Variants in DUSP22 observed in about 807,000 individuals in gnomAD.
DUSP22 encodes dual specificity phosphatase 22.
DUSP22 carries 24 observed loss-of-function variants against 24.5 expected under a neutral mutation model. The observed-to-expected ratio is 0.98, with a 90% confidence interval of 0.71 to 1.38. The LOEUF (loss-of-function observed/expected upper bound fraction) is 1.38, where lower values mean the gene tolerates loss of function less well. Ranked by LOEUF, DUSP22 falls within the 40% of genes most tolerant of loss-of-function variation. The pLI is 0.00. For synonymous variants in DUSP22, 160 were observed against 106.4 expected (o/e 1.50, Z -3.10); for missense variants, 330 against 269.2 (o/e 1.23, Z -1.58).
chr6:298,238 C>T (rs1202753663), intron 1 of DUSP22, among the ~76,000 whole-genome samples: 1 of 152,218 alleles, frequency 6.6e-6, no homozygotes, highest in Non-Finnish European at 1.5e-5. Context: ...TTTTTATATG[C>T]AAACTGGTTA....
chr6:297,585 A>G (rs1437110863), intron 1 of DUSP22, among the ~76,000 whole-genome samples: 2 of 152,310 alleles, frequency 1.3e-5, no homozygotes, highest in Admixed American at 6.5e-5. Context: ...TTCACCCAAT[A>G]GTTGCCAGTA....
At position 311,239 on chromosome 6, in the gene DUSP22, G is replaced by A. The variant is rs887718735; in HGVS notation, c.56-641G>A. On this transcript the variant is annotated intron_variant, in intron 2 of 6. Transcript: ENST00000419235. ...GGACCACATAGCAGATGGCTTCAAG[G>A]TAACCATTTAGCTCAAGGGGGAGGG... 3.9e-5 allele frequency among the ~76,000 whole-genome samples: 6 copies of A among 152,426 alleles called. No homozygotes were observed. The East Asian group carries it at 9.6e-4, about 24-fold the overall frequency.
intron 5 of DUSP22, among the ~76,000 whole-genome samples, chr6:346,429 GAC>G (rs10642379): frequency 0.01 from 1,548 of 151,280 alleles, no homozygotes; most frequent in Middle Eastern, 0.055. Context: ...ATTTTGTGTA[GAC>G]ACACACACAC....
Position 335,199 on chromosome 6 carries a change from T to TA in DUSP22, c.188+43dup, listed in dbSNP as rs750200882. 3.7e-6 allele frequency: 6 copies of TA among 1,604,812 alleles called. No individual in the cohort carries two copies. In the East Asian group the frequency reaches 8.9e-5, roughly 24 times the overall value. The stretch of plus-strand genomic sequence containing the variant: ...TATTTCTGTATTATTTGGAGACATT[T>TA]AAAAAAATGAATAGAGGATGGTAAA... On this transcript the variant is annotated intron_variant, in intron 4 of 6. Coordinates refer to ENST00000419235, the MANE Select transcript of DUSP22 (RefSeq NM_001286555.3).
intron 2 of DUSP22, among the ~76,000 whole-genome samples, chr6:310,157 C>T (rs965817750): frequency 1.3e-4 from 20 of 152,304 alleles, no homozygotes; most frequent in African/African-American, 2.2e-4. Context: ...GATGTGGTTT[C>T]GCCGTGGTGA....
At chr6:336,808 A>G (rs1273010984) in intron 4 of DUSP22, among the ~76,000 whole-genome samples, 6 of 152,308 alleles carry the variant, frequency 3.9e-5, no homozygotes, top group African/African-American at 1.4e-4. Context: ...TTCCTTGGTT[A>G]CTAGTCGTGT....
At position 348,925 on chromosome 6, in the gene DUSP22, T is replaced by G. The variant is rs758394947; in HGVS notation, c.592T>G (p.Tyr198Asp). The change falls in exon 7 of 7, where the codon TAC becomes GAC. Residue 198 changes from tyrosine to aspartate, a missense_variant. Physicochemically the swap from Tyr to Asp is radical, Grantham distance 160. Transcript: ENST00000419235. ...SSFPALAPLT[Y>D]DNYTTET The stretch of plus-strand genomic sequence containing the variant: ...TTTTCCGGCACTGGCTCCGCTGACC[T>G]ACGATAATTATACGACGGAGACCTA... 6.2e-7 allele frequency: 1 copy of G among 1,610,310 alleles called. No individual in the cohort carries two copies. The highest frequency in any genetic ancestry group is 1.1e-5 in the South Asian group (1 of 90,834).
Position 292,631 on chromosome 6 carries a change from GC to G in DUSP22, c.21+74del. 1.9e-6 allele frequency: 3 copies of G among 1,549,844 alleles called. No individual in the cohort carries two copies. In the South Asian group the frequency reaches 3.5e-5, roughly 18 times the overall value. On this transcript the variant is annotated intron_variant, in intron 1 of 6. Coordinates refer to ENST00000419235, the MANE Select transcript of DUSP22 (RefSeq NM_001286555.3). ...CCCTGCCGTCTCGCCGGCGTCGGCT[GC>G]CCGACGACTCGAGCCCGGGGTGCCC...
chr6:335,170 T>C lies in DUSP22; in HGVS notation c.188+7T>C, dbSNP rs1231690519. 4 of 1,613,424 alleles carry C rather than the reference T, an allele frequency of 2.5e-6. No individual in the cohort carries two copies. Among genetic ancestry groups the C allele is most frequent in the Non-Finnish European group, 3.4e-6 (4 of 1,179,296 alleles). ...ATTCACCATCTCAAAACCTGTAAGT[T>C]TCTTATTTCTGTATTATTTGGAGAC... On this transcript the variant is annotated splice_region_variant and intron_variant, in intron 4 of 6. Transcript: ENST00000419235.
At chr6:340,808 T>C (rs1254289781) in intron 4 of DUSP22, among the ~76,000 whole-genome samples, 2 of 152,304 alleles carry the variant, frequency 1.3e-5, no homozygotes, top group African/African-American at 2.4e-5. Flanking sequence ...AAAGTCCTTT[T>C]GAGCAGGACA....
chr6:350,964 T>C lies in DUSP22; in HGVS notation c.*2013T>C, dbSNP rs1386665195. 24 of 1,533,358 alleles carry C rather than the reference T, an allele frequency of 1.6e-5. No individual in the cohort carries two copies. Among genetic ancestry groups the C allele is most frequent in the Non-Finnish European group, 2.1e-5 (23 of 1,114,192 alleles). 95.0% of individuals were successfully genotyped at this position (1,533,358 alleles called of 1,614,324 possible). A position where few individuals can be genotyped will look rare whatever the true frequency, so the allele number is the denominator to read the frequency against. On this transcript the variant is annotated 3_prime_UTR_variant, in exon 7 of 7. Coordinates refer to ENST00000419235, the MANE Select transcript of DUSP22 (RefSeq NM_001286555.3). ...ATAGAGTTTAAGTATCCAGTAGTGA[T>C]TTGTAAACTTGTTTTTCATTTGAAG...
At chr6:327,060 AATACGT>A (rs1342664033) in intron 3 of DUSP22, among the ~76,000 whole-genome samples, 1 of 152,300 alleles carries the variant, frequency 6.6e-6, no homozygotes, top group African/African-American at 2.4e-5. Context: ...GGCCACAGAC[AATACGT>A]GAATCAGTGG....
chr6:351,129 G>T lies in DUSP22; in HGVS notation c.*2178G>T. ...CTGTAAGGATCCCGGGAGCCTTGCC[G>T]CACTGCCTTGTGGGTGGCTTGGCGC... On this transcript the variant is annotated 3_prime_UTR_variant, in exon 7 of 7. Coordinates refer to ENST00000419235, the MANE Select transcript of DUSP22 (RefSeq NM_001286555.3). 1.8e-6 allele frequency: 1 copy of T among 563,256 alleles called. No homozygotes were observed. The highest frequency in any genetic ancestry group is 3.0e-6 in the Non-Finnish European group (1 of 328,888). 34.9% of individuals were successfully genotyped at this position (563,256 alleles called of 1,614,324 possible).
At chr6:303,635 C>T (rs1757685291) in intron 1 of DUSP22, among the ~76,000 whole-genome samples, 1 of 152,308 alleles carries the variant, frequency 6.6e-6, no homozygotes, top group Non-Finnish European at 1.5e-5. Flanking sequence ...TGAAGCGTCA[C>T]CAAGACGAGC....
chr6:309,596 A>C (rs1194444854), intron 2 of DUSP22, among the ~76,000 whole-genome samples: 1 of 152,298 alleles, frequency 6.6e-6, no homozygotes, highest in African/African-American at 2.4e-5. Context: ...TTAGAGATGG[A>C]GATTCCTCAG....
At chr6:307,458 T>C (rs1757861756) in intron 2 of DUSP22, among the ~76,000 whole-genome samples, 1 of 152,308 alleles carries the variant, frequency 6.6e-6, no homozygotes, top group Admixed American at 6.5e-5. Context: ...TGGTGATTTT[T>C]GCTCCTGGAG....
In DUSP22 at chr6:349,979, G is replaced by T. The variant is rs568687083; in HGVS notation, c.*1028G>T. The T allele has an allele frequency of 3.2e-4, 319 of 985,624 alleles. No individual in the cohort carries two copies. In the African/African-American group the frequency reaches 5.4e-3, roughly 17 times the overall value. 61.1% of individuals were successfully genotyped at this position (985,624 alleles called of 1,614,324 possible). On this transcript the variant is annotated 3_prime_UTR_variant, in exon 7 of 7. Coordinates refer to ENST00000419235, the MANE Select transcript of DUSP22 (RefSeq NM_001286555.3). ...CCTCAACATTTGCATGCACCTGCAAGAATTGGGAAGAAAGAGCATTTATTA... is the reference window on the plus strand; with the variant it reads ...CCTCAACATTTGCATGCACCTGCAATAATTGGGAAGAAAGAGCATTTATTA...
chr6:344,233 G>A (rs577900630), intron 4 of DUSP22, among the ~76,000 whole-genome samples: 16 of 149,872 alleles, frequency 1.1e-4, no homozygotes, highest in South Asian at 2.1e-4. Context: ...AAAAACTAAA[G>A]AGTTAGAAGA....
At chr6:327,379 A>G (rs1758929565) in intron 3 of DUSP22, among the ~76,000 whole-genome samples, 1 of 152,306 alleles carries the variant, frequency 6.6e-6, no homozygotes, top group Non-Finnish European at 1.5e-5. Context: ...CTCCAGGGCT[A>G]CCTGCAGGTG....
Sources: allele counts gnomAD v4.1 joint callset (sites outside exome capture counted in the v4.1 genomes callset), GRCh38; gene constraint gnomAD v4.1.1; transcripts MANE v1.5; gene names NCBI Gene and HGNC (gene_info 2026-07-23, HGNC 2026-07-21).